Variants in BMPR2 observed in about 807,000 individuals in gnomAD.
BMPR2 encodes the protein bone morphogenetic protein receptor type 2, also known as bone morphogenetic protein receptor type-2.
BMPR2 carries 29 observed loss-of-function variants against 100.8 expected under a neutral mutation model. The observed-to-expected ratio is 0.29, with a 90% CI of 0.21 to 0.39. The LOEUF (loss-of-function observed/expected upper bound fraction) is 0.39. Among genes scored for constraint, BMPR2 ranks in the 10% least tolerant of loss-of-function variants. BMPR2 has a pLI of 1.00. For missense variants in BMPR2, 1,011 were observed against 1,274.5 expected (o/e 0.79, Z 3.15); for synonymous variants, 382 against 442.3 (o/e 0.86, Z 1.71).
intron 3 of BMPR2, among the ~76,000 whole-genome samples, chr2:202,471,912 TTGTGTGTGTGTGTG>T (rs111523279): frequency 6.8e-6 from 1 of 147,752 alleles, no homozygotes; most frequent in Admixed American, 6.8e-5. Flanking sequence ...CAAAAAAAGA[TTGTGTGTGTGTGTG>T]TGTGTGTGTG....
At chr2:202,466,603 T>A (rs1166481708) in intron 2 of BMPR2, among the ~76,000 whole-genome samples, 1 of 150,090 alleles carries the variant, frequency 6.7e-6, no homozygotes, top group Non-Finnish European at 1.5e-5. Flanking sequence ...TGATATATAT[T>A]ATTTATTTAT....
At chr2:202,485,096 G>T in intron 3 of BMPR2, among the ~76,000 whole-genome samples, 1 of 151,856 alleles carries the variant, frequency 6.6e-6, no homozygotes, top group Non-Finnish European at 1.5e-5. Flanking sequence ...CAAAGTGCTG[G>T]GATTACAGAC....
rs986335040 is a variant in BMPR2, at chr2:202,546,913, T to A, written c.1413+4466T>A. Among the ~76,000 whole-genome samples the A allele has an allele frequency of 3.4e-5, 3 of 87,458 alleles. No individual in the cohort carries two copies. In the Admixed American group the frequency reaches 4.0e-4, roughly 12 times the overall value. The allele number at this position is 87,458 out of a possible 152,430, so 57.4% of individuals were successfully genotyped here. A position where few individuals can be genotyped will look rare whatever the true frequency, so the allele number is the denominator to read the frequency against. On this transcript the variant is annotated intron_variant, in intron 10 of 12. Coordinates refer to ENST00000374580, the MANE Select transcript of BMPR2 (RefSeq NM_001204.7). ...CACCGTGCCCAGCCGGTGTTTTGTT[T>A]TGTTTTGTTTTGTTTTGTTTTGTTT...
intron 9 of BMPR2, among the ~76,000 whole-genome samples, chr2:202,538,395 G>T (rs1688204802): frequency 6.6e-6 from 1 of 152,126 alleles, no homozygotes; most frequent in Non-Finnish European, 1.5e-5. Flanking sequence ...GGCGGAGGTT[G>T]CAGTGAGCCG....
At chr2:202,490,614 A>G (rs1692881481) in intron 3 of BMPR2, among the ~76,000 whole-genome samples, 1 of 152,208 alleles carries the variant, frequency 6.6e-6, no homozygotes, top group Non-Finnish European at 1.5e-5. Context: ...ATAGAGTTGG[A>G]TTAAAAATAG....
chr2:202,500,840 G>T lies in BMPR2; in HGVS notation c.419-12879G>T, dbSNP rs531241185. 1.5e-3 allele frequency among the ~76,000 whole-genome samples: 236 copies of T among 152,270 alleles called. 1 individual carries two copies. The highest frequency in any genetic ancestry group is 3.4e-3 in the Middle Eastern group (1 of 294). The stretch of plus-strand genomic sequence containing the variant: ...GTTCACGGTTCTGGACCTCAAGGAT[G>T]CCTTCTTCTGTATTCCCCTGCACTC... On this transcript the variant is annotated intron_variant, in intron 3 of 12. Coordinates refer to ENST00000374580, the MANE Select transcript of BMPR2 (RefSeq NM_001204.7).
At chr2:202,527,821 T>A (rs1687946687) in intron 7 of BMPR2, among the ~76,000 whole-genome samples, 2 of 151,688 alleles carry the variant, frequency 1.3e-5, no homozygotes, top group Non-Finnish European at 1.5e-5. Flanking sequence ...AAAAAATAAA[T>A]AAATAAATAA....
chr2:202,400,299 G>T (rs989767869), intron 1 of BMPR2, among the ~76,000 whole-genome samples: 1 of 149,746 alleles, frequency 6.7e-6, no homozygotes, highest in Non-Finnish European at 1.5e-5. Flanking sequence ...ATACCACCAT[G>T]CCAAGCTAAT....
intron 3 of BMPR2, among the ~76,000 whole-genome samples, chr2:202,504,499 G>A (rs1159923083): frequency 3.9e-5 from 6 of 151,978 alleles, no homozygotes; most frequent in African/African-American, 9.7e-5. Context: ...GAACACATCC[G>A]AACATCAGAA....
rs779844886 is a variant in BMPR2 at position 202,532,563 on chromosome 2, A to C, written c.1129-22A>C. On this transcript the variant is annotated intron_variant, in intron 8 of 12. Transcript: ENST00000374580. This position sits in a 1 kb window ranked among gnomAD's most constrained non-coding sequence, Gnocchi z 4.1. The stretch of plus-strand genomic sequence containing the variant: ...GAATATGCTACGTTCTCTCTCTAAA[A>C]AATATCACTCTAATTTATCAGGTTG... The C allele has an allele frequency of 2.5e-6, 4 of 1,612,920 alleles. No homozygotes were observed. The highest frequency in any genetic ancestry group is 1.7e-4 in the Middle Eastern group (1 of 6,054).
chr2:202,440,688 C>T (rs774276215), intron 1 of BMPR2, among the ~76,000 whole-genome samples: 2 of 150,418 alleles, frequency 1.3e-5, no homozygotes, highest in Admixed American at 6.6e-5. Context: ...CCCAGGCACT[C>T]GGCAGGCTGA....
chr2:202,442,103 T>C (rs1691759682), intron 1 of BMPR2, among the ~76,000 whole-genome samples: 1 of 150,686 alleles, frequency 6.6e-6, no homozygotes, highest in Non-Finnish European at 1.5e-5. Flanking sequence ...GGGAGTCACG[T>C]ACTTCATCTG....
chr2:202,397,193 A>C (rs1161461563), intron 1 of BMPR2, among the ~76,000 whole-genome samples: 1 of 152,204 alleles, frequency 6.6e-6, no homozygotes, highest in Non-Finnish European at 1.5e-5. Flanking sequence ...TTTCCTCAAA[A>C]ATATCATATT....
At chr2:202,447,809 A>G (rs1691882386) in intron 1 of BMPR2, among the ~76,000 whole-genome samples, 2 of 150,680 alleles carry the variant, frequency 1.3e-5, no homozygotes, top group Non-Finnish European at 2.9e-5. Context: ...GAGTCTTAGG[A>G]AGATCCATAT....
rs545428677 is a variant in BMPR2 at position 202,562,465 on chromosome 2, A to G, written c.*2519A>G. 2.6e-5 allele frequency: 4 copies of G among 152,736 alleles called. No homozygotes were observed. In the South Asian group the frequency reaches 8.3e-4, roughly 32 times the overall value. The allele number at this position is 152,736 out of a possible 1,614,324, so 9.5% of individuals were successfully genotyped here. ...ATCATTTTTATAAATTTTAAATTGTACATCAGACTTTTAAAATCTGTAATA... is the reference window on the plus strand; with the variant it reads ...ATCATTTTTATAAATTTTAAATTGTGCATCAGACTTTTAAAATCTGTAATA... On this transcript the variant is annotated 3_prime_UTR_variant, in exon 13 of 13. Transcript: ENST00000374580.
intron 3 of BMPR2, chr2:202,505,478 C>G (rs1027877977): frequency 3.3e-5 from 5 of 152,058 alleles, no homozygotes; most frequent in Admixed American, 1.3e-4. Context: ...AACTCAGCCT[C>G]CTGAGTAGCT....
In BMPR2 at chr2:202,560,687, C is replaced by T. The variant is rs1688664750; in HGVS notation, c.*741C>T. The T allele has an allele frequency of 6.6e-6, 1 of 152,562 alleles. No homozygotes were observed. Among genetic ancestry groups the T allele is most frequent in the Non-Finnish European group, 1.5e-5 (1 of 68,008 alleles). The allele number at this position is 152,562 out of a possible 1,614,324, so 9.5% of individuals were successfully genotyped here. A position where few individuals can be genotyped will look rare whatever the true frequency, so the allele number is the denominator to read the frequency against. The stretch of plus-strand genomic sequence containing the variant: ...GAAAGGGCTCTAAAGAAGGAACTAC[C>T]AAAACCTGACTTGAAATGCCATTTC... On this transcript the variant is annotated 3_prime_UTR_variant, in exon 13 of 13. Transcript: ENST00000374580.
chr2:202,464,751 T>C (rs912963620), intron 1 of BMPR2, 58 bp from the exon 2 acceptor site: 6 of 1,478,426 alleles, frequency 4.1e-6, no homozygotes, highest in African/African-American at 2.9e-5. Context: ...ACAAAGATTT[T>C]ATATAATATT....
intron 1 of BMPR2, among the ~76,000 whole-genome samples, chr2:202,453,159 C>A (rs1418752290): frequency 6.6e-6 from 1 of 150,698 alleles, no homozygotes; most frequent in East Asian, 1.9e-4. Context: ...AAGGACGTGA[C>A]GTGATCAAAT....
Sources: gnomAD v4.1 joint callset for allele counts (sites outside exome capture counted in the v4.1 genomes callset) on GRCh38, gnomAD v4.1.1 for gene constraint, Gnocchi (gnomAD v3.1) non-coding constraint, MANE v1.5 for transcripts, NCBI Gene and HGNC (gene_info 2026-07-23, HGNC 2026-07-21) for gene names.